Variants in CTNNA2 observed in about 807,000 individuals in gnomAD.
The protein encoded by CTNNA2 is catenin alpha-2.
CTNNA2 carries 42 observed loss-of-function variants against 101.0 expected under a neutral mutation model. That is an observed-to-expected ratio of 0.42 (90% CI 0.32 to 0.54). The LOEUF (loss-of-function observed/expected upper bound fraction) is 0.54, where lower values mean the gene tolerates loss of function less well. Among genes scored for constraint, CTNNA2 ranks in the 20% least tolerant of loss-of-function variants. CTNNA2 has a pLI of 0.14. For missense variants in CTNNA2, 871 were observed against 1,223.1 expected, an observed-to-expected ratio of 0.71 and a Z score of 4.29; for synonymous variants, 450 against 456.4, an observed-to-expected ratio of 0.99 and a Z score of 0.18.
At position 80,178,382 on chromosome 2, in the gene CTNNA2, G is replaced by A. The variant is rs146068167; in HGVS notation, c.1057-214829G>A. Among the ~76,000 whole-genome samples, 208 of 152,306 alleles carry A rather than the reference G, an allele frequency of 1.4e-3. No individual in the cohort carries two copies. The Middle Eastern group carries it at 0.024, about 17-fold the overall frequency. ...CAGTTTCTAACAAAGCCCAGTAACA[G>A]GCCAAGAGCTGTCTCTCAAAAAGGA... On this transcript the variant is annotated intron_variant, in intron 7 of 18. Transcript: ENST00000402739.
At chr2:80,624,787 G>C (rs1457464830) in intron 18 of CTNNA2, among the ~76,000 whole-genome samples, 2 of 151,902 alleles carry the variant, frequency 1.3e-5, no homozygotes, top group Admixed American at 1.3e-4. Context: ...TCAGTTGACT[G>C]GTAGGAGGCA....
intron 7 of CTNNA2, among the ~76,000 whole-genome samples, chr2:80,351,719 C>T (rs1673313322): frequency 1.3e-5 from 2 of 152,056 alleles, no homozygotes; most frequent in Admixed American, 6.6e-5. Flanking sequence ...TGGTATAATA[C>T]TTTGCTCTCA....
intron 4 of CTNNA2, among the ~76,000 whole-genome samples, chr2:79,495,132 CA>C (rs1671242809): frequency 6.6e-6 from 1 of 151,780 alleles, no homozygotes; most frequent in Admixed American, 6.6e-5. Context: ...AACAAACAAA[CA>C]AAAAAACAAC....
chr2:79,480,023 A>C (rs1307759527), intron 4 of CTNNA2, among the ~76,000 whole-genome samples: 1 of 152,292 alleles, frequency 6.6e-6, no homozygotes, highest in Non-Finnish European at 1.5e-5. Flanking sequence ...TGGCACTGGC[A>C]TCTGCATCTA....
intron 4 of CTNNA2, among the ~76,000 whole-genome samples, chr2:79,499,883 T>C (rs960502663): frequency 6.6e-6 from 1 of 152,222 alleles, no homozygotes; most frequent in African/African-American, 2.4e-5. Flanking sequence ...CTCGTGATTA[T>C]GGAGGCTGGC....
chr2:79,479,353 G>T (rs1671084078), intron 4 of CTNNA2, among the ~76,000 whole-genome samples: 1 of 152,096 alleles, frequency 6.6e-6, no homozygotes, highest in African/African-American at 2.4e-5. Context: ...AACCCTCTTT[G>T]ACTCAATGTG....
chr2:79,679,011 A>G (rs1355117186), intron 2 of CTNNA2, among the ~76,000 whole-genome samples: 2 of 152,124 alleles, frequency 1.3e-5, no homozygotes, highest in Admixed American at 6.5e-5. Context: ...TTTTTAGCTC[A>G]GTTGTATTTA....
intron 2 of CTNNA2, among the ~76,000 whole-genome samples, chr2:79,669,381 C>T (rs987644162): frequency 6.6e-5 from 10 of 152,150 alleles, no homozygotes; most frequent in African/African-American, 1.2e-4. Context: ...CTTAAAGTTA[C>T]GAGACCTCTG....
chr2:79,688,555 C>T (rs1195651539), intron 2 of CTNNA2, among the ~76,000 whole-genome samples: 1 of 151,852 alleles, frequency 6.6e-6, no homozygotes, highest in Non-Finnish European at 1.5e-5. Context: ...TGAGATATAT[C>T]TGCTCCAAAA....
intron 1 of CTNNA2, among the ~76,000 whole-genome samples, chr2:79,581,877 C>A (rs1013362167): frequency 2.0e-5 from 3 of 152,218 alleles, no homozygotes; most frequent in African/African-American, 7.2e-5. Context: ...TAATCTAACT[C>A]ATTCTGTTAT....
chr2:79,707,942 C>G (rs1685492435), intron 2 of CTNNA2, among the ~76,000 whole-genome samples: 1 of 152,166 alleles, frequency 6.6e-6, no homozygotes, highest in African/African-American at 2.4e-5. Context: ...TTTCCTCAAG[C>G]CATTTGGAGG....
At chr2:79,205,688 C>T (rs2104189795) in intron 2 of CTNNA2, among the ~76,000 whole-genome samples, 1 of 152,314 alleles carries the variant, frequency 6.6e-6, no homozygotes, top group South Asian at 2.1e-4. Flanking sequence ...CTGAGCCCAA[C>T]CTTCATTGAT....
intron 2 of CTNNA2, among the ~76,000 whole-genome samples, chr2:79,743,010 C>A (rs528606765): frequency 6.6e-6 from 1 of 152,088 alleles, no homozygotes; most frequent in South Asian, 2.1e-4. Context: ...TTTGAGTCAT[C>A]GCTTTGATTG....
intron 1 of CTNNA2, among the ~76,000 whole-genome samples, chr2:79,522,857 T>C (rs938468060): frequency 5.9e-5 from 9 of 152,182 alleles, no homozygotes; most frequent in Non-Finnish European, 1.2e-4. Context: ...AGAAGATACA[T>C]TGTTTCAAAA....
chr2:79,214,256 T>C (rs896438720), intron 2 of CTNNA2, among the ~76,000 whole-genome samples: 5 of 152,026 alleles, frequency 3.3e-5, no homozygotes, highest in Admixed American at 3.3e-4. Flanking sequence ...CTGATGGGTG[T>C]CAGGGTCAGT....
chr2:80,212,135 T>A (rs1316758203), intron 7 of CTNNA2, among the ~76,000 whole-genome samples: 1 of 152,208 alleles, frequency 6.6e-6, no homozygotes. Context: ...AATGGGGTTT[T>A]CTAGATATAC....
At chr2:80,242,416 A>T (rs931560655) in intron 7 of CTNNA2, among the ~76,000 whole-genome samples, 2 of 152,218 alleles carry the variant, frequency 1.3e-5, no homozygotes, top group Admixed American at 1.3e-4. Context: ...TAAATACTTT[A>T]TTGACCAGGC....
At chr2:79,220,790 G>T (rs1452270669) in intron 2 of CTNNA2, among the ~76,000 whole-genome samples, 1 of 152,106 alleles carries the variant, frequency 6.6e-6, no homozygotes, top group African/African-American at 2.4e-5. Flanking sequence ...ATTTTTAACT[G>T]TTTCACCAAA....
chr2:80,031,797 T>G (rs1198021605), intron 7 of CTNNA2, among the ~76,000 whole-genome samples: 1 of 152,220 alleles, frequency 6.6e-6, no homozygotes, highest in Non-Finnish European at 1.5e-5. Flanking sequence ...TTTAGGAAAA[T>G]TGTTTAAATA....
Sources: allele counts gnomAD v4.1 joint callset (sites outside exome capture counted in the v4.1 genomes callset), GRCh38; gene constraint gnomAD v4.1.1; transcripts MANE v1.5; gene names NCBI Gene and HGNC (gene_info 2026-07-23, HGNC 2026-07-21).